The following DACT2 variants were observed in gnomAD, a reference collection of about 807,000 sequenced individuals.
The protein encoded by DACT2 is dishevelled binding antagonist of beta catenin 2.
DACT2 carries 20 observed loss-of-function variants against 22.2 expected under a neutral mutation model. The observed-to-expected ratio is 0.90, with a 90% CI of 0.63 to 1.31. DACT2 has a LOEUF of 1.31. DACT2 is among the 50% of genes most tolerant of loss of function. DACT2 has a pLI of 0.00. For synonymous variants in DACT2, 463 were observed against 479.8 expected (o/e 0.96, Z 0.46); for missense variants, 1,048 against 1,061.4 (o/e 0.99, Z 0.18).
chr6:168,310,493 C>A, intron 2 of DACT2, 47 bp from the exon 3 acceptor site: 1 of 1,524,182 alleles, frequency 6.6e-7, no homozygotes, highest in Non-Finnish European at 8.8e-7. Flanking sequence ...TCCAGAAAAG[C>A]CCAGGGCCCC....
At chr6:168,311,437 C>A (rs147181011) in intron 1 of DACT2, among the ~76,000 whole-genome samples, 153 bp from the exon 2 acceptor site, 1 of 152,202 alleles carries the variant, frequency 6.6e-6, no homozygotes, top group Non-Finnish European at 1.5e-5. Context: ...CCCCTGCTCA[C>A]TCTGAAGCAA....
intron 1 of DACT2, among the ~76,000 whole-genome samples, chr6:168,313,535 C>T (rs757700896): frequency 7.9e-5 from 12 of 152,246 alleles, no homozygotes; most frequent in East Asian, 1.9e-4. Context: ...CACACACAGG[C>T]GGGCTCTCCC....
At chr6:168,306,524 C>T (rs989353652), downstream of DACT2, among the ~76,000 whole-genome samples, 1 of 151,988 alleles carries the variant, frequency 6.6e-6, no homozygotes, top group Non-Finnish European at 1.5e-5. Context: ...CTCACTGCAG[C>T]CTCCGCCTCC....
chr6:168,309,322 A>G (rs1462523662), intron 3 of DACT2, among the ~76,000 whole-genome samples: 1 of 109,186 alleles, frequency 9.2e-6, no homozygotes, highest in African/African-American at 3.4e-5. Flanking sequence ...CGCGGGGCAG[A>G]CGGGAATGCG....
chr6:168,310,465 G>A lies in DACT2; in HGVS notation c.380-19C>T. 6.5e-7 allele frequency: 1 copy of A among 1,538,608 alleles called. No individual in the cohort carries two copies. Among genetic ancestry groups the A allele is most frequent in the African/African-American group, 1.4e-5 (1 of 72,296 alleles). On this transcript the variant is annotated intron_variant, in intron 2 of 3. Coordinates refer to ENST00000366795, the MANE Select transcript of DACT2 (RefSeq NM_214462.5). The stretch of plus-strand genomic sequence containing the variant: ...TAAAAGCCTGGACGGAGCAGACAAG[G>A]CAGGTCAGTGACCCCCATCCAGAAA...
chr6:168,313,585 G>C (rs1779475460), intron 1 of DACT2, among the ~76,000 whole-genome samples: 1 of 152,190 alleles, frequency 6.6e-6, no homozygotes, highest in Non-Finnish European at 1.5e-5. Flanking sequence ...TCCAAACAAA[G>C]GGGCTGGGTG....
At chr6:168,300,825 A>G (rs1779088951) in intron 3 of DACT2, among the ~76,000 whole-genome samples, 1 of 152,042 alleles carries the variant, frequency 6.6e-6, no homozygotes, top group African/African-American at 2.4e-5. Flanking sequence ...TCTATGCTAA[A>G]GATATAAAAA....
intron 4 of DACT2, chr6:168,294,245 G>A: frequency 1.4e-6 from 1 of 702,918 alleles, no homozygotes; most frequent in Non-Finnish European, 2.6e-6. Context: ...TGAGTGCCAG[G>A]AGCTCTGTCA....
intron 3 of DACT2, among the ~76,000 whole-genome samples, chr6:168,296,854 T>G (rs1314832190): frequency 1.3e-5 from 2 of 152,108 alleles, no homozygotes; most frequent in African/African-American, 4.8e-5. Flanking sequence ...CATCAACAAA[T>G]TTATAGACAA....
downstream of DACT2, among the ~76,000 whole-genome samples, chr6:168,303,043 C>T (rs745433056): frequency 6.6e-6 from 1 of 152,162 alleles, no homozygotes; most frequent in Non-Finnish European, 1.5e-5. Context: ...CACATTAAAG[C>T]CACATGAAAT....
At chr6:168,309,379 GGGGCC>G (rs1562496896) in intron 3 of DACT2, among the ~76,000 whole-genome samples, 13 of 152,322 alleles carry the variant, frequency 8.5e-5, no homozygotes, top group East Asian at 1.9e-4. Flanking sequence ...ACACAGGCGT[GGGGCC>G]CGTCTGCATC....
chr6:168,308,446 C>T lies in DACT2; in HGVS notation c.1311G>A (p.Met437Ile), dbSNP rs1001420026. Residue 437 changes from methionine (M) to isoleucine (I), a missense_variant, in exon 4 of 4, where the codon ATG becomes ATA. By Grantham distance (10) the Met-to-Ile change is conservative. Transcript: ENST00000366795. ...CCTTTGAGCTGGGAGAAGCCTGCAC[C>T]ATGGTCTCCCTGAGGACACAGCTGT... Reference protein sequence around the residue: ...PSNSCVLRETMVQASPSSKAQ... With the variant: ...PSNSCVLRETIVQASPSSKAQ... The T allele has an allele frequency of 8.4e-6, 13 of 1,551,578 alleles. No individual in the cohort carries two copies. In the Admixed American group the frequency reaches 2.4e-4, roughly 28 times the overall value.
At chr6:168,301,045 C>T (rs1779094920) in intron 3 of DACT2, among the ~76,000 whole-genome samples, 2 of 152,194 alleles carry the variant, frequency 1.3e-5, no homozygotes, top group African/African-American at 4.8e-5. Context: ...AACAAAAACT[C>T]TCATTTCTTG....
chr6:168,293,846 CCTGTGACTGGTCAG>C (rs1778952535), exon 6 of DACT2: 4 of 702,772 alleles, frequency 5.7e-6, no homozygotes, highest in Non-Finnish European at 1.0e-5. Flanking sequence ...CGACTTCCAG[CCTGTGACTGGTCAG>C]TCAATGCAGC....
intron 1 of DACT2, among the ~76,000 whole-genome samples, chr6:168,311,658 C>T (rs1348904648): frequency 8.7e-6 from 1 of 114,934 alleles, no homozygotes; most frequent in South Asian, 3.0e-4. Flanking sequence ...ACACACACAC[C>T]CATACACACA....
At chr6:168,302,909 C>T (rs1779136309), downstream of DACT2, among the ~76,000 whole-genome samples, 1 of 152,184 alleles carries the variant, frequency 6.6e-6, no homozygotes, top group African/African-American at 2.4e-5. Flanking sequence ...TTTACAGCAT[C>T]ATTTCAAAGC....
chr6:168,308,504 C>T lies in DACT2; in HGVS notation c.1253G>A (p.Gly418Asp), dbSNP rs1158392417. 3.2e-6 allele frequency: 5 copies of T among 1,551,390 alleles called. No individual in the cohort carries two copies. In the African/African-American group the frequency reaches 5.5e-5, roughly 17 times the overall value. Reference protein sequence around the residue: ...YMPLEGPQQSGSLPEEGSKPS... With the variant: ...YMPLEGPQQSDSLPEEGSKPS... ...CTTGGAGCCCTCCTCTGGAAGGCTG[C>T]CAGACTGCTGGGGACCCTCAAGGGG... Residue 418 changes from glycine (G) to aspartate (D), a missense_variant, in exon 4 of 4, where the codon GGC becomes GAC. By Grantham distance (94) the Gly-to-Asp change is moderately conservative (BLOSUM62 -1). Transcript: ENST00000366795.
chr6:168,309,028 C>T lies in DACT2; in HGVS notation c.729G>A (p.Gly243=), dbSNP rs575312589. The change falls in exon 4 of 4, where the codon GGG becomes GGA. Residue 243 remains glycine, a synonymous_variant. Transcript: ENST00000366795. ...QKASADAELL[G]LLCQGVDIPL... ...GGATATCCACCCCCTGGCAGAGGAG[C>T]CCGAGGAGCTCGGCGTCCGCGCTGG... 8 of 1,546,538 alleles carry T rather than the reference C, an allele frequency of 5.2e-6. No individual in the cohort carries two copies. In the African/African-American group the frequency reaches 8.2e-5, roughly 16 times the overall value.
intron 1 of DACT2, among the ~76,000 whole-genome samples, 177 bp from the exon 2 acceptor site, chr6:168,311,461 C>T (rs543224132): frequency 6.6e-6 from 1 of 152,214 alleles, no homozygotes. Flanking sequence ...CCTTGTTCCA[C>T]TGTCACAAAA....
Sources: gnomAD v4.1 joint callset for allele counts (sites outside exome capture counted in the v4.1 genomes callset) on GRCh38, gnomAD v4.1.1 for gene constraint, MANE v1.5 for transcripts, NCBI Gene and HGNC (gene_info 2026-07-23, HGNC 2026-07-21) for gene names.